The following DGKZ variants were observed in gnomAD, a reference collection of about 807,000 sequenced individuals.
DGKZ encodes the protein diacylglycerol kinase zeta.
DGKZ carries 45 observed loss-of-function variants against 142.5 expected under a neutral mutation model. That is an observed-to-expected ratio of 0.32 (90% CI 0.25 to 0.40). The LOEUF is 0.40. Among genes scored for constraint, DGKZ ranks in the 10% least tolerant of loss-of-function variants. DGKZ has a pLI of 1.00. For missense variants in DGKZ, 755 were observed against 1,306.5 expected (o/e 0.58, Z 6.51); for synonymous variants, 442 against 527.0 (o/e 0.84, Z 2.21).
upstream of DGKZ, among the ~76,000 whole-genome samples, chr11:46,343,567 C>G (rs1426890676): frequency 6.6e-6 from 1 of 152,202 alleles, no homozygotes; most frequent in African/African-American, 2.4e-5. Context: ...CTTCCTAGAA[C>G]CAGTCCTAAG....
chr11:46,379,527 A>T (rs754326546), exon 30 of DGKZ: 2 of 1,611,718 alleles, frequency 1.2e-6, no homozygotes, highest in South Asian at 2.2e-5. Context: ...CTGCCACTAC[A>T]TCGTGGAGGC....
chr11:46,370,005 G>A, exon 6 of DGKZ: 1 of 1,613,758 alleles, frequency 6.2e-7, no homozygotes, highest in Non-Finnish European at 8.5e-7. Context: ...CGGCACTGTG[G>A]GAAGGTGAGA....
chr11:46,378,095 C>A, intron 25 of DGKZ, 103 bp from the exon 26 acceptor site: 1 of 1,434,474 alleles, frequency 7.0e-7, no homozygotes, highest in Non-Finnish European at 9.5e-7. Flanking sequence ...AGCAGGCACT[C>A]AATAAACTGT....
chr11:46,369,679 G>A (rs1590576619), intron 5 of DGKZ, 129 bp downstream of exon 5: 5 of 1,291,474 alleles, frequency 3.9e-6, no homozygotes, highest in African/African-American at 1.5e-5. Flanking sequence ...GTCTGTCTGA[G>A]GTCTGCCATG....
At chr11:46,345,783 A>C (rs887286902), upstream of DGKZ, among the ~76,000 whole-genome samples, 5 of 152,172 alleles carry the variant, frequency 3.3e-5, no homozygotes, top group Non-Finnish European at 5.9e-5. This position sits in a 1 kb window ranked among gnomAD's most constrained non-coding sequence, Gnocchi z 4.1. Flanking sequence ...ACTGAGCTCG[A>C]GAGAGGCCAG....
chr11:46,364,665 C>A, intron 1 of DGKZ: 1 of 985,462 alleles, frequency 1.0e-6, no homozygotes, highest in South Asian at 4.7e-5. Context: ...TCAAGACCTG[C>A]AGGGCAGTAG....
intron 14 of DGKZ, among the ~76,000 whole-genome samples, 189 bp downstream of exon 14, chr11:46,373,290 T>G (rs559904881): frequency 1.4e-4 from 19 of 140,542 alleles, no homozygotes; most frequent in Middle Eastern, 3.5e-3. Flanking sequence ...TTTTTGTTTT[T>G]TTTTTTTTTT....
At position 46,377,062 on chromosome 11, in the gene DGKZ, T is replaced by TC. The variant is rs749647970; in HGVS notation, c.2203-5dup. Reference sequence around the variant, plus strand: ...GGTGCCCTGACCTCCCGCCCTGACCTCCCCCCACAGGAGCACCTCAACTAT... The same window carrying TC: ...GGTGCCCTGACCTCCCGCCCTGACCTCCCCCCCACAGGAGCACCTCAACTAT... On this transcript the variant is annotated splice_polypyrimidine_tract_variant and intron_variant, in intron 24 of 30. Coordinates refer to ENST00000527911, the Ensembl canonical transcript of DGKZ. 3.7e-6 allele frequency: 6 copies of TC among 1,605,872 alleles called. No individual in the cohort carries two copies. Among genetic ancestry groups the TC allele is most frequent in the Non-Finnish European group, 2.6e-6 (3 of 1,175,756 alleles).
At chr11:46,349,594 T>A (rs1941112954) in intron 1 of DGKZ, among the ~76,000 whole-genome samples, 1 of 152,184 alleles carries the variant, frequency 6.6e-6, no homozygotes, top group Non-Finnish European at 1.5e-5. Context: ...AGATGAGATC[T>A]CACACAGCAT....
At chr11:46,375,879 A>G (rs1832627800) in exon 21 of DGKZ, 2 of 1,574,722 alleles carry the variant, frequency 1.3e-6, no homozygotes, top group African/African-American at 1.4e-5. Context: ...GCAGTTGCGC[A>G]TCCAGGTGAG....
chr11:46,377,345 A>G, intron 25 of DGKZ, 133 bp downstream of exon 25: 3 of 1,416,496 alleles, frequency 2.1e-6, no homozygotes, highest in Admixed American at 3.1e-5. Flanking sequence ...GCCAAAGCCC[A>G]CCTGACGGCC....
At chr11:46,355,194 T>C (rs957447831) in intron 1 of DGKZ, among the ~76,000 whole-genome samples, 14 of 152,266 alleles carry the variant, frequency 9.2e-5, no homozygotes, top group East Asian at 1.9e-4. Context: ...CTGCCAGCTC[T>C]GCCTCCCGGG....
exon 27 of DGKZ, chr11:46,378,492 T>C (rs560736568): frequency 1.2e-6 from 2 of 1,610,252 alleles, no homozygotes; most frequent in East Asian, 4.5e-5. Context: ...GAGGAACGAC[T>C]TCTGTAAGGT....
At chr11:46,335,369 G>T (rs1939962979) in intron 1 of DGKZ, among the ~76,000 whole-genome samples, 2 of 151,750 alleles carry the variant, frequency 1.3e-5, no homozygotes, top group Non-Finnish European at 2.9e-5. Context: ...AGAGGGCAGA[G>T]AGCAAAGAAT....
At chr11:46,376,603 C>T (rs377099077) in intron 24 of DGKZ, 39 bp downstream of exon 24, 45 of 1,612,130 alleles carry the variant, frequency 2.8e-5, no homozygotes, top group East Asian at 1.1e-4. Context: ...CAGCTGCTTC[C>T]GGGCCCCAGG....
At chr11:46,333,142 G>A in exon 1 of DGKZ, 2 of 751,476 alleles carry the variant, frequency 2.7e-6, no homozygotes, top group Non-Finnish European at 3.6e-6. Flanking sequence ...AAGCGTCGGC[G>A]TCGCTAGGGA....
intron 1 of DGKZ, among the ~76,000 whole-genome samples, chr11:46,349,412 G>A (rs1304137452): frequency 6.6e-6 from 1 of 152,184 alleles, no homozygotes; most frequent in African/African-American, 2.4e-5. Context: ...CTTCTGACCT[G>A]TGGCTGTGCC....
chr11:46,359,985 AG>A (rs1565028139), intron 1 of DGKZ, among the ~76,000 whole-genome samples: 1 of 152,146 alleles, frequency 6.6e-6, no homozygotes, highest in African/African-American at 2.4e-5. Context: ...ATTTTGGTGT[AG>A]TAGCAAAGAA....
upstream of DGKZ, among the ~76,000 whole-genome samples, chr11:46,342,959 A>T (rs1321527012): frequency 6.6e-6 from 1 of 152,166 alleles, no homozygotes; most frequent in Non-Finnish European, 1.5e-5. Context: ...CTCCGTCTCT[A>T]CTAAAAATAC....
Sources: gnomAD v4.1 joint callset for allele counts (sites outside exome capture counted in the v4.1 genomes callset) on GRCh38, gnomAD v4.1.1 for gene constraint, Gnocchi (gnomAD v3.1) non-coding constraint, MANE v1.5 for transcripts, NCBI Gene and HGNC (gene_info 2026-07-23, HGNC 2026-07-21) for gene names.